Variants in TPTE2 observed in about 807,000 individuals in gnomAD.
TPTE2 encodes transmembrane phosphoinositide 3-phosphatase and tensin homolog 2, also known as phosphatidylinositol 3,4,5-trisphosphate 3-phosphatase TPTE2.
A neutral mutation model predicts 78.6 loss-of-function variants in TPTE2; 53 were observed. The observed-to-expected ratio is 0.67, with a 90% CI of 0.54 to 0.85. The LOEUF (loss-of-function observed/expected upper bound fraction) is 0.85, where lower values mean the gene tolerates loss of function less well. Among genes scored for constraint, TPTE2 ranks in the 40% least tolerant of loss-of-function variants. The probability of loss-of-function intolerance (pLI) is 0.00; values close to 1 mark genes in which losing one functional copy is unlikely to be tolerated. For missense variants in TPTE2, 461 were observed against 623.0 expected (o/e 0.74, Z 2.77); for synonymous variants, 175 against 206.2 (o/e 0.85, Z 1.30).
At chr13:19,525,177 T>C (rs1455992471) in intron 1 of TPTE2, among the ~76,000 whole-genome samples, 1 of 151,934 alleles carries the variant, frequency 6.6e-6, no homozygotes, top group Non-Finnish European at 1.5e-5. Context: ...AGAGACAGAT[T>C]TGAGAAACAG....
chr13:19,434,710 G>A (rs1876941918), intron 15 of TPTE2, among the ~76,000 whole-genome samples: 2 of 152,210 alleles, frequency 1.3e-5, no homozygotes, highest in African/African-American at 4.8e-5. Context: ...TTCTAACGGG[G>A]CCAAGAGTAC....
At chr13:19,539,111 G>A (rs1306464962), upstream of TPTE2, among the ~76,000 whole-genome samples, 1 of 152,104 alleles carries the variant, frequency 6.6e-6, no homozygotes, top group Non-Finnish European at 1.5e-5. Context: ...ATCCATGTGT[G>A]GATTAATCCA....
At chr13:19,447,501 A>G (rs538339635) in intron 13 of TPTE2, among the ~76,000 whole-genome samples, 268 of 152,306 alleles carry the variant, frequency 1.8e-3, no homozygotes, top group African/African-American at 6.1e-3. Flanking sequence ...GCCAGTTTAT[A>G]TACAATATTC....
At chr13:19,446,856 C>T (rs961633166) in intron 13 of TPTE2, among the ~76,000 whole-genome samples, 7 of 152,040 alleles carry the variant, frequency 4.6e-5, no homozygotes, top group South Asian at 4.1e-4. Flanking sequence ...ATGGGAGGAT[C>T]GCTTGAGCCC....
intron 14 of TPTE2, among the ~76,000 whole-genome samples, chr13:19,437,038 G>GACACACACACACACAC (rs376691875): frequency 2.1e-4 from 31 of 145,976 alleles, no homozygotes; most frequent in Non-Finnish European, 4.2e-4. Context: ...AAACCTAGGA[G>GACACACACACACACAC]ACACACACAC....
the TPTE2 span, chr13:19,560,964 A>C: frequency 6.3e-7 from 1 of 1,593,818 alleles, no homozygotes; most frequent in Non-Finnish European, 8.6e-7. Flanking sequence ...AAGGCTTTGC[A>C]GTCCTCACAG....
At chr13:19,502,949 T>A (rs1333854841) in intron 1 of TPTE2, among the ~76,000 whole-genome samples, 1 of 151,682 alleles carries the variant, frequency 6.6e-6, no homozygotes, top group Non-Finnish European at 1.5e-5. Flanking sequence ...ATGACTCCAT[T>A]AGAAAAGGAT....
intron 15 of TPTE2, among the ~76,000 whole-genome samples, chr13:19,435,046 G>A (rs1876972785): frequency 6.6e-6 from 1 of 152,148 alleles, no homozygotes; most frequent in South Asian, 2.1e-4. Flanking sequence ...TGTTGTAAAC[G>A]CTATAGGATA....
chr13:19,459,384 G>T (rs879689511), intron 10 of TPTE2, among the ~76,000 whole-genome samples: 28 of 152,188 alleles, frequency 1.8e-4, no homozygotes, highest in Non-Finnish European at 2.9e-4. Context: ...ATCCCAGGGG[G>T]ATACTGACCT....
chr13:19,477,662 G>A (rs1351945188), intron 4 of TPTE2, among the ~76,000 whole-genome samples: 10 of 152,190 alleles, frequency 6.6e-5, no homozygotes. Flanking sequence ...TCACCATACA[G>A]AACCAAGTCT....
At chr13:19,478,870 T>C (rs1371677894) in intron 4 of TPTE2, among the ~76,000 whole-genome samples, 1 of 152,108 alleles carries the variant, frequency 6.6e-6, no homozygotes, top group African/African-American at 2.4e-5. Context: ...GGGACATGGA[T>C]GAAGCTGGAA....
chr13:19,545,172 A>T, the TPTE2 span, among the ~76,000 whole-genome samples: 1 of 151,832 alleles, frequency 6.6e-6, no homozygotes, highest in Admixed American at 6.6e-5. Flanking sequence ...TAACTGACTT[A>T]GCAGAGGAGA....
rs1247284642 is a variant in TPTE2, at chr13:19,535,108, G to A, written c.-44+1488C>T. On this transcript the variant is annotated intron_variant, in intron 1 of 17. Coordinates refer to the TPTE2 transcript ENST00000390680. This position sits in a 1 kb window ranked among gnomAD's most constrained non-coding sequence, Gnocchi z 5.1. ...AGTCCCAGCTACTCAGGAGGCTGAGGCAGGAGAATCACTGGAACCCAGGAG... is the reference window on the plus strand; with the variant it reads ...AGTCCCAGCTACTCAGGAGGCTGAGACAGGAGAATCACTGGAACCCAGGAG... 6.6e-6 allele frequency among the ~76,000 whole-genome samples: 1 copy of A among 152,048 alleles called. No individual in the cohort carries two copies. The highest frequency in any genetic ancestry group is 1.5e-5 in the Non-Finnish European group (1 of 68,028).
rs548470120 is a variant in TPTE2 at position 19,455,764 on chromosome 13, A to C, written c.742-4539T>G. Among the ~76,000 whole-genome samples the C allele has an allele frequency of 3.4e-3, 514 of 152,350 alleles. 1 individual carries two copies. Among genetic ancestry groups the C allele is most frequent in the African/African-American group, 0.012 (501 of 41,590 alleles). ...AAAAAGGTTGGTTTAACATTTGAAA[A>C]TCTCATTAATGGAATAACAGAAAAA... On this transcript the variant is annotated intron_variant, in intron 10 of 19. Coordinates refer to ENST00000400230, the Ensembl canonical transcript of TPTE2.
At chr13:19,431,007 A>G (rs1876549534) in intron 16 of TPTE2, among the ~76,000 whole-genome samples, 2 of 151,816 alleles carry the variant, frequency 1.3e-5, no homozygotes, top group East Asian at 1.9e-4. Flanking sequence ...CATGCCTGTA[A>G]TCCTAGCTAC....
chr13:19,431,638 C>A (rs1685709103), intron 16 of TPTE2, among the ~76,000 whole-genome samples: 1 of 151,650 alleles, frequency 6.6e-6, no homozygotes, highest in African/African-American at 2.4e-5. Context: ...TTAGAAATCA[C>A]AGTTTCTTGC....
upstream of TPTE2, among the ~76,000 whole-genome samples, chr13:19,540,280 C>T (rs984622044): frequency 2.8e-5 from 4 of 145,068 alleles, no homozygotes; most frequent in African/African-American, 5.0e-5. Flanking sequence ...AATTAAATCT[C>T]ATTATTATTA....
In TPTE2 at chr13:19,535,273, C is replaced by T. The variant is rs549370134; in HGVS notation, c.-44+1323G>A. Among the ~76,000 whole-genome samples, 324 of 151,614 alleles carry T rather than the reference C, an allele frequency of 2.1e-3. 1 individual carries two copies. The highest frequency in any genetic ancestry group is 2.1e-3 in the Non-Finnish European group (142 of 67,882). Reference sequence around the variant, plus strand: ...AGATCCAAGAATCTAAGGATAACACCTTCTTTAGAACCAAATGTATAAATA... The same window carrying T: ...AGATCCAAGAATCTAAGGATAACACTTTCTTTAGAACCAAATGTATAAATA... On this transcript the variant is annotated intron_variant, in intron 1 of 17. Transcript: ENST00000390680. The surrounding 1 kb of genome is among the most constrained non-coding windows in gnomAD (Gnocchi z 5.1).
chr13:19,505,396 C>T (rs1453426315), upstream of TPTE2, among the ~76,000 whole-genome samples: 7 of 152,066 alleles, frequency 4.6e-5, no homozygotes, highest in Non-Finnish European at 1.0e-4. Flanking sequence ...CTGTCTTGGC[C>T]TCCCAAAGTG....
Sources: gnomAD v4.1 joint callset for allele counts (sites outside exome capture counted in the v4.1 genomes callset) on GRCh38, gnomAD v4.1.1 for gene constraint, Gnocchi (gnomAD v3.1) non-coding constraint, MANE v1.5 for transcripts, NCBI Gene and HGNC (gene_info 2026-07-23, HGNC 2026-07-21) for gene names.